DLG2: variants seen among roughly 807,000 people sequenced by gnomAD.
DLG2 encodes disks large homolog 2.
DLG2 carries 45 observed loss-of-function variants against 132.5 expected under a neutral mutation model. That is an observed-to-expected ratio of 0.34 (90% CI 0.27 to 0.44). The LOEUF (loss-of-function observed/expected upper bound fraction) is 0.44. DLG2 is among the 20% of genes least tolerant of loss of function. The pLI is 1.00. For missense variants in DLG2, 1,045 were observed against 1,196.9 expected (o/e 0.87, Z 1.87); for synonymous variants, 424 against 419.6 (o/e 1.01, Z -0.13).
intron 3 of DLG2, among the ~76,000 whole-genome samples, chr11:85,552,832 G>A (rs1353511115): frequency 1.3e-5 from 2 of 151,536 alleles, no homozygotes; most frequent in Admixed American, 6.6e-5. Flanking sequence ...GGAGTTCCAA[G>A]AGAGAATAGG....
chr11:84,413,525 T>C (rs528040648), intron 7 of DLG2, among the ~76,000 whole-genome samples: 2 of 152,274 alleles, frequency 1.3e-5, no homozygotes, highest in African/African-American at 4.8e-5. Flanking sequence ...ATGTGATGTG[T>C]CCTCACTGTA....
intron 7 of DLG2, among the ~76,000 whole-genome samples, chr11:84,440,273 T>C (rs1249906380): frequency 2.0e-5 from 3 of 152,244 alleles, no homozygotes; most frequent in Admixed American, 6.5e-5. Context: ...TTAGGACTCG[T>C]GTTCATGTTA....
At chr11:85,094,564 G>A (rs1385449560) in intron 6 of DLG2, among the ~76,000 whole-genome samples, 1 of 152,118 alleles carries the variant, frequency 6.6e-6, no homozygotes, top group African/African-American at 2.4e-5. Context: ...TAATATGGAT[G>A]GCTTCTTTCC....
intron 11 of DLG2, among the ~76,000 whole-genome samples, chr11:83,995,373 G>T (rs1454847994): frequency 6.6e-6 from 1 of 152,140 alleles, no homozygotes; most frequent in Non-Finnish European, 1.5e-5. Context: ...CTCCAGAAGT[G>T]CCATGTTAAA....
intron 18 of DLG2, among the ~76,000 whole-genome samples, chr11:83,692,418 G>A (rs1193148870): frequency 6.6e-6 from 1 of 152,196 alleles, no homozygotes; most frequent in African/African-American, 2.4e-5. Context: ...CTGTTTATAT[G>A]AAATGCCTAG....
intron 17 of DLG2, among the ~76,000 whole-genome samples, chr11:83,798,601 C>T (rs552665659): frequency 3.3e-5 from 5 of 152,244 alleles, no homozygotes; most frequent in South Asian, 4.1e-4. Flanking sequence ...ATTGGCACCA[C>T]ATTTCAATTA....
chr11:84,306,280 A>G (rs545586769), intron 7 of DLG2, among the ~76,000 whole-genome samples: 1 of 152,298 alleles, frequency 6.6e-6, no homozygotes, highest in South Asian at 2.1e-4. Context: ...TTTGTCAATT[A>G]AAAATAAAAT....
intron 4 of DLG2, among the ~76,000 whole-genome samples, chr11:85,187,646 T>C (rs1345640700): frequency 1.3e-5 from 2 of 152,148 alleles, no homozygotes; most frequent in Non-Finnish European, 2.9e-5. Flanking sequence ...TGGAAATTAG[T>C]GTCAGCGTTG....
chr11:85,450,585 T>C (rs1565507800), intron 3 of DLG2, among the ~76,000 whole-genome samples: 1 of 152,298 alleles, frequency 6.6e-6, no homozygotes, highest in Non-Finnish European at 1.5e-5. Flanking sequence ...CATCAAGTAA[T>C]TGTAAATATC....
At chr11:83,471,752 A>G in intron 23 of DLG2, 25 bp from the exon 24 acceptor site, 1 of 1,593,482 alleles carries the variant, frequency 6.3e-7, no homozygotes. Context: ...AGGAAGATGT[A>G]GGTAAAGAGA....
At chr11:84,445,485 AAT>A (rs1198872289) in intron 7 of DLG2, among the ~76,000 whole-genome samples, 1 of 152,160 alleles carries the variant, frequency 6.6e-6, no homozygotes, top group African/African-American at 2.4e-5. Context: ...TGTTACAAGA[AAT>A]ATGTCTTTCT....
chr11:84,769,970 A>G (rs1299085403), intron 6 of DLG2, among the ~76,000 whole-genome samples: 3 of 152,208 alleles, frequency 2.0e-5, no homozygotes, highest in Non-Finnish European at 2.9e-5. Flanking sequence ...ATCTCGGTAT[A>G]GTTCAGATAT....
In DLG2 at chr11:84,426,323, T is replaced by C. The variant is rs527434698; in HGVS notation, c.519+108247A>G. 3.9e-5 allele frequency among the ~76,000 whole-genome samples: 6 copies of C among 152,190 alleles called. No homozygotes were observed. In the East Asian group the frequency reaches 1.2e-3, roughly 29 times the overall value. ...GGACCAAAAAAATTCCTAAACCTCA[T>C]ATTACCTGGGGACTCAGCTTACTCA... On this transcript the variant is annotated intron_variant, in intron 7 of 27. Transcript: ENST00000376104.
chr11:84,010,367 CCTGTAACCTTGAACTT>C (rs2094820145), intron 11 of DLG2, among the ~76,000 whole-genome samples: 1 of 151,650 alleles, frequency 6.6e-6, no homozygotes, highest in Admixed American at 6.6e-5. Flanking sequence ...ATCATAGCTC[CCTGTAACCTTGAACTT>C]CTGAGCTCAA....
At chr11:84,166,831 G>A in intron 8 of DLG2, 3 of 479,028 alleles carry the variant, frequency 6.3e-6, no homozygotes, top group South Asian at 4.8e-5. Context: ...AACTTGCCTT[G>A]GTGTCTCATA....
At chr11:83,609,125 C>A (rs2059752285) in intron 19 of DLG2, among the ~76,000 whole-genome samples, 1 of 151,980 alleles carries the variant, frequency 6.6e-6, no homozygotes, top group Non-Finnish European at 1.5e-5. Context: ...TGAAAGTGAC[C>A]AAAAAGGAGA....
At chr11:84,434,612 T>C (rs1363737950) in intron 7 of DLG2, among the ~76,000 whole-genome samples, 3 of 152,158 alleles carry the variant, frequency 2.0e-5, no homozygotes, top group African/African-American at 4.8e-5. Flanking sequence ...AAGAAGCTAA[T>C]GTATAAGCTG....
intron 19 of DLG2, among the ~76,000 whole-genome samples, chr11:83,580,727 A>G (rs2096955748): frequency 6.6e-6 from 1 of 152,110 alleles, no homozygotes; most frequent in Admixed American, 6.5e-5. Flanking sequence ...GTGTTCTTAC[A>G]TAAACCTGCA....
intron 16 of DLG2, among the ~76,000 whole-genome samples, chr11:83,840,356 G>A (rs922823901): frequency 1.3e-5 from 2 of 152,300 alleles, no homozygotes; most frequent in African/African-American, 4.8e-5. Flanking sequence ...GGTATTAAAT[G>A]AATGGATAAA....
Sources: allele counts gnomAD v4.1 joint callset (sites outside exome capture counted in the v4.1 genomes callset), GRCh38; gene constraint gnomAD v4.1.1; transcripts MANE v1.5; gene names NCBI Gene and HGNC (gene_info 2026-07-23, HGNC 2026-07-21).